The following CHD1L variants were observed in gnomAD, a reference collection of about 807,000 sequenced individuals.
CHD1L encodes the protein chromodomain helicase DNA binding protein 1 like, also known as ATP-dependent chromatin remodeler CHD1L.
CHD1L carries 118 observed loss-of-function variants against 115.9 expected under a neutral mutation model. The ratio of observed to expected loss-of-function variants is 1.02; its 90% CI spans 0.88 to 1.19. CHD1L has a LOEUF of 1.19. Among genes scored for constraint, CHD1L ranks in the 50% most tolerant of loss-of-function variants. The pLI is 0.00. For missense variants in CHD1L, 1,179 were observed against 1,065.3 expected (o/e 1.11, Z -1.49); for synonymous variants, 411 against 387.1 (o/e 1.06, Z -0.72).
the CHD1L span, chr1:147,179,144 G>C: frequency 6.2e-7 from 1 of 1,614,050 alleles, no homozygotes; most frequent in Non-Finnish European, 8.5e-7. Flanking sequence ...GATTTCTCGC[G>C]TGATGGGAAT....
the CHD1L span, among the ~76,000 whole-genome samples, chr1:147,195,462 A>G: frequency 6.6e-6 from 1 of 152,106 alleles, no homozygotes; most frequent in Non-Finnish European, 1.5e-5. Flanking sequence ...TTTTATGCCT[A>G]AAGTCCTGTG....
rs587764376 is a variant in CHD1L at position 147,257,062 on chromosome 1, T to C, written c.494+500T>C. On this transcript the variant is annotated intron_variant, in intron 5 of 22. Transcript: ENST00000369258. ...GTACCTCTAATTAGTTAACCTCATA[T>C]TGGCCCATGAAATCAGAAACTCAGC... Among the ~76,000 whole-genome samples the C allele has an allele frequency of 1.6e-4, 24 of 152,298 alleles. No individual in the cohort carries two copies. The South Asian group carries it at 4.6e-3, about 29-fold the overall frequency.
Position 147,259,855 on chromosome 1 carries a change from T to C in CHD1L, c.513T>C (p.Leu171=). 6.2e-7 allele frequency: 1 copy of C among 1,613,794 alleles called. No individual in the cohort carries two copies. The highest frequency in any genetic ancestry group is 8.5e-7 in the Non-Finnish European group (1 of 1,179,724). Residue 171 remains leucine (L), a synonymous_variant, in exon 6 of 23, where the codon CTT becomes CTC. Transcript: ENST00000369258. ...SFLKSFPWSV[L]VVDEAHRLKN... is the part of the protein sequence containing the mutation. ...CTCACAGATTCCCTTGGAGTGTTCT[T>C]GTTGTGGATGAAGCTCACAGGTTGA...
chr1:147,218,743 A>C, the CHD1L span, among the ~76,000 whole-genome samples: 1 of 152,216 alleles, frequency 6.6e-6, no homozygotes, highest in Admixed American at 6.5e-5. Context: ...TCAAATTTCT[A>C]AGTTATTAAA....
chr1:147,290,871 C>T (rs1278353434), intron 19 of CHD1L, among the ~76,000 whole-genome samples: 1 of 151,894 alleles, frequency 6.6e-6, no homozygotes, highest in African/African-American at 2.4e-5. Context: ...CCAGGTTAGT[C>T]TGGAACTCTG....
At chr1:147,272,980 A>G (rs782719019) in intron 12 of CHD1L, among the ~76,000 whole-genome samples, 8 of 151,712 alleles carry the variant, frequency 5.3e-5, no homozygotes, top group South Asian at 4.2e-4. Context: ...TGGGTGGATC[A>G]CTGGAGGTGA....
intron 8 of CHD1L, 82 bp from the exon 9 acceptor site, chr1:147,267,344 C>T: frequency 1.0e-6 from 1 of 954,916 alleles, no homozygotes; most frequent in Non-Finnish European, 1.6e-6. Context: ...ATTAAGGTTA[C>T]TTGTAAAAAC....
Position 147,242,761 on chromosome 1 carries a change from C to T in CHD1L, c.58C>T (p.Leu20Phe), listed in dbSNP as rs1665119164. The T allele has an allele frequency of 7.9e-7, 1 of 1,268,450 alleles. No individual in the cohort carries two copies. The highest frequency in any genetic ancestry group is 1.5e-5 in the African/African-American group (1 of 65,590). The allele number at this position is 1,268,450 out of a possible 1,614,324, so 78.6% of individuals were successfully genotyped here. Reference sequence around the variant, plus strand: ...CCAAGCCCCTGGCTTCTTACTGCGGCTTCATACTGAGGGCCGAGCCGAGGC... The same window carrying T: ...CCAAGCCCCTGGCTTCTTACTGCGGTTTCATACTGAGGGCCGAGCCGAGGC... ...GGQAPGFLLR[L>F]HTEGRAEAAR... The change falls in exon 1 of 23, where the codon CTT becomes TTT. Residue 20 changes from leucine (L) to phenylalanine (F), a missense_variant. Coordinates refer to ENST00000369258, the MANE Select transcript of CHD1L (RefSeq NM_004284.6).
chr1:147,293,520 C>G (rs587743110), intron 20 of CHD1L, 88 bp from the exon 21 acceptor site: 2 of 1,047,038 alleles, frequency 1.9e-6, no homozygotes, highest in Admixed American at 1.7e-5. Flanking sequence ...AGTGACCCAT[C>G]AAGGGCTGTG....
chr1:147,252,340 T>C (rs1668657600), intron 1 of CHD1L, among the ~76,000 whole-genome samples: 1 of 152,204 alleles, frequency 6.6e-6, no homozygotes, highest in Non-Finnish European at 1.5e-5. Flanking sequence ...TCAGGCAGTA[T>C]AGAGGCCAGA....
rs1677880620 is a variant in CHD1L at position 147,275,221 on chromosome 1, G to C, written c.1271-133G>C. ...CAAGGCTTTGGAGTTAGGGGTGTGG[G>C]TCCATTTGAAGGATGAAGCCAATTG... On this transcript the variant is annotated intron_variant, in intron 12 of 22. Transcript: ENST00000369258. The C allele has an allele frequency of 5.7e-6, 4 of 698,392 alleles. No individual in the cohort carries two copies. The East Asian group carries it at 1.0e-4, about 18-fold the overall frequency. The allele number at this position is 698,392 out of a possible 1,614,324, so 43.3% of individuals were successfully genotyped here.
intron 9 of CHD1L, 100 bp downstream of exon 9, chr1:147,267,618 C>T (rs4143738): frequency 0.39 from 326,784 of 840,592 alleles, 65,002 homozygotes; most frequent in East Asian, 0.46. Context: ...CTTACTTTGT[C>T]TACTTTGTTT....
chr1:147,208,751 C>G, the CHD1L span: 4 of 965,700 alleles, frequency 4.1e-6, no homozygotes, highest in East Asian at 7.5e-5. Flanking sequence ...TGTGGGTTTT[C>G]TTAATGTATG....
the CHD1L span, among the ~76,000 whole-genome samples, chr1:147,174,195 A>G: frequency 1.3e-5 from 2 of 152,138 alleles, no homozygotes; most frequent in Admixed American, 6.5e-5. Flanking sequence ...GTACGATTTT[A>G]CTGCAACTTC....
At chr1:147,178,677 T>C in the CHD1L span, 5 of 1,575,040 alleles carry the variant, frequency 3.2e-6, no homozygotes, top group Admixed American at 5.0e-5. Flanking sequence ...CACATACGAA[T>C]GTTGAGTCTC....
the CHD1L span, chr1:147,178,844 G>A: frequency 1.3e-6 from 2 of 1,587,848 alleles, no homozygotes; most frequent in East Asian, 4.5e-5. Context: ...TTTGGTATCT[G>A]CCCTCACATG....
At position 147,242,726 on chromosome 1, in the gene CHD1L, G is replaced by T. The variant is rs373271315; in HGVS notation, c.23G>T (p.Ser8Ile). ...CCGATGGAGCGCGCGGGCGCTACTAGCCGCGGGGGCCAAGCCCCTGGCTTC... is the reference window on the plus strand; with the variant it reads ...CCGATGGAGCGCGCGGGCGCTACTATCCGCGGGGGCCAAGCCCCTGGCTTC... MERAGAT[S>I]RGGQAPGFLL... is the part of the protein sequence containing the mutation. Residue 8 changes from serine to isoleucine, a missense_variant, in exon 1 of 23, where the codon AGC becomes ATC. Transcript: ENST00000369258. The T allele has an allele frequency of 1.3e-4, 168 of 1,258,064 alleles. No homozygotes were observed. In the African/African-American group the frequency reaches 2.3e-3, roughly 18 times the overall value. 77.9% of individuals were successfully genotyped at this position (1,258,064 alleles called of 1,614,324 possible).
In CHD1L at chr1:147,276,119, T is replaced by C; in HGVS notation, c.1401T>C (p.Ile467=). ...RIGQNKSVKV[I]RLIGRDTVEE... ...TTATGTCCAGGTCTGTTAAAGTTAT[T>C]CGGCTGATTGGTCGAGACACTGTGG... Residue 467 remains isoleucine (I), a synonymous_variant, in exon 14 of 23, where the codon ATT becomes ATC. Transcript: ENST00000369258. 6.2e-7 allele frequency: 1 copy of C among 1,614,152 alleles called. No individual in the cohort carries two copies. Among genetic ancestry groups the C allele is most frequent in the Non-Finnish European group, 8.5e-7 (1 of 1,180,002 alleles).
the CHD1L span, among the ~76,000 whole-genome samples, chr1:147,173,723 A>T: frequency 2.0e-5 from 3 of 152,178 alleles, no homozygotes; most frequent in South Asian, 6.2e-4. Flanking sequence ...TGTTGGCGTC[A>T]ACTGGGAGCC....
Sources: allele counts gnomAD v4.1 joint callset (sites outside exome capture counted in the v4.1 genomes callset), GRCh38; gene constraint gnomAD v4.1.1; transcripts MANE v1.5; gene names NCBI Gene and HGNC (gene_info 2026-07-23, HGNC 2026-07-21).